The following NOSTRIN variants were observed in gnomAD, a reference collection of about 807,000 sequenced individuals.
NOSTRIN encodes BM247 homolog.
NOSTRIN carries 63 observed loss-of-function variants against 59.0 expected under a neutral mutation model. The ratio of observed to expected loss-of-function variants is 1.07; its 90% CI spans 0.87 to 1.32. NOSTRIN has a LOEUF of 1.32. NOSTRIN is among the 40% of genes most tolerant of loss of function. The pLI, the probability that NOSTRIN is intolerant of heterozygous loss-of-function variation, is 0.00. For synonymous variants in NOSTRIN, 200 were observed against 165.4 expected (o/e 1.21, Z -1.61); for missense variants, 512 against 473.1 (o/e 1.08, Z -0.76).
intron 12 of NOSTRIN, among the ~76,000 whole-genome samples, chr2:168,857,677 T>C (rs1392517310): frequency 1.3e-5 from 2 of 152,236 alleles, no homozygotes; most frequent in East Asian, 3.8e-4. Flanking sequence ...TCTGCTGTGA[T>C]TAGAGATCAT....
chr2:168,863,960 C>T (rs1338393274), intron 15 of NOSTRIN, among the ~76,000 whole-genome samples: 2 of 151,658 alleles, frequency 1.3e-5, no homozygotes, highest in Non-Finnish European at 2.9e-5. Context: ...ACCCAGGCTG[C>T]AGTACAGTGG....
intron 2 of NOSTRIN, among the ~76,000 whole-genome samples, chr2:168,822,265 G>A (rs934621248): frequency 1.9e-4 from 29 of 152,246 alleles, no homozygotes; most frequent in African/African-American, 7.0e-4. Context: ...GTTGTTTTCT[G>A]CAGCTAGGCC....
chr2:168,790,472 G>A (rs1253413677), intron 2 of NOSTRIN, among the ~76,000 whole-genome samples: 1 of 152,290 alleles, frequency 6.6e-6, no homozygotes, highest in Non-Finnish European at 1.5e-5. Flanking sequence ...AATGAGTCAC[G>A]TGAATGAATG....
chr2:168,827,945 ATAAC>A (rs1210310368), intron 3 of NOSTRIN, among the ~76,000 whole-genome samples: 1 of 151,974 alleles, frequency 6.6e-6, no homozygotes, highest in African/African-American at 2.4e-5. Flanking sequence ...TAAATGAAAA[ATAAC>A]TGGGAAAAAA....
upstream of NOSTRIN, among the ~76,000 whole-genome samples, chr2:168,796,783 C>T (rs979319561): frequency 6.6e-6 from 1 of 152,100 alleles, no homozygotes; most frequent in Non-Finnish European, 1.5e-5. Flanking sequence ...AGCCATTTCC[C>T]ATTTTAGAGT....
intron 7 of NOSTRIN, among the ~76,000 whole-genome samples, chr2:168,840,529 CAAAAAAAAAAAAA>C (rs59235003): frequency 1.0e-5 from 1 of 99,324 alleles, no homozygotes; most frequent in Non-Finnish European, 2.0e-5. Context: ...GACTCCATCT[CAAAAAAAAAAAAA>C]AAAAAAAAAC....
chr2:168,853,341 G>A lies in NOSTRIN; in HGVS notation c.855+1937G>A, dbSNP rs189120220. On this transcript the variant is annotated intron_variant, in intron 10 of 15. Coordinates refer to ENST00000317647, the MANE Select transcript of NOSTRIN (RefSeq NM_001039724.4). ...CCAGGGACAACAAAGAGACCAATCT[G>A]AGTGCAAAACTTGGAGGGCTTGGTG... Among the ~76,000 whole-genome samples the A allele has an allele frequency of 3.7e-4, 56 of 152,336 alleles. No homozygotes were observed. In the East Asian group the frequency reaches 9.6e-3, roughly 26 times the overall value.
At chr2:168,820,639 T>C (rs1450713447) in intron 2 of NOSTRIN, among the ~76,000 whole-genome samples, 1 of 151,374 alleles carries the variant, frequency 6.6e-6, no homozygotes, top group African/African-American at 2.4e-5. Flanking sequence ...TGTGTGGTAG[T>C]TGAACCTCTT....
chr2:168,807,839 T>G (rs554557964), intron 1 of NOSTRIN, among the ~76,000 whole-genome samples: 2 of 152,334 alleles, frequency 1.3e-5, no homozygotes, highest in East Asian at 3.9e-4. Flanking sequence ...GGACAAAAGT[T>G]AGAAAGTACT....
At chr2:168,792,621 T>C (rs1406641412) in intron 2 of NOSTRIN, among the ~76,000 whole-genome samples, 1 of 151,878 alleles carries the variant, frequency 6.6e-6, no homozygotes, top group Non-Finnish European at 1.5e-5. Flanking sequence ...AGCTAATTTT[T>C]TGTTTGTTTG....
At chr2:168,788,240 CAAAAA>C (rs5836201) in intron 2 of NOSTRIN, among the ~76,000 whole-genome samples, 3 of 126,874 alleles carry the variant, frequency 2.4e-5, no homozygotes, top group Admixed American at 7.7e-5. Context: ...GATCCTACCT[CAAAAA>C]AAAAAAAAAA....
intron 11 of NOSTRIN, chr2:168,855,825 G>T (rs1689067339): frequency 2.3e-6 from 1 of 440,280 alleles, no homozygotes; most frequent in Admixed American, 2.7e-5. Flanking sequence ...GAGTTTTTTG[G>T]TTTGTTTCTT....
chr2:168,825,945 G>A (rs1344371610), intron 3 of NOSTRIN, among the ~76,000 whole-genome samples: 1 of 152,164 alleles, frequency 6.6e-6, no homozygotes, highest in East Asian at 1.9e-4. Flanking sequence ...CAGTATTTTA[G>A]TAGACTACAG....
intron 15 of NOSTRIN, among the ~76,000 whole-genome samples, chr2:168,862,398 C>T (rs1574345988): frequency 1.3e-5 from 2 of 150,706 alleles, no homozygotes; most frequent in South Asian, 2.2e-4. Flanking sequence ...AAGATTTGAA[C>T]TTGGAAACAC....
intron 6 of NOSTRIN, 96 bp downstream of exon 6, chr2:168,831,630 C>T: frequency 2.8e-6 from 2 of 724,442 alleles, no homozygotes; most frequent in East Asian, 2.5e-5. Flanking sequence ...AGCATTAGTA[C>T]TTCTAAGTGC....
intron 1 of NOSTRIN, among the ~76,000 whole-genome samples, chr2:168,807,971 G>A (rs1380688801): frequency 1.3e-5 from 2 of 152,174 alleles, no homozygotes; most frequent in Non-Finnish European, 2.9e-5. Flanking sequence ...GAATGTGAAT[G>A]CCTTTGCCAC....
At chr2:168,858,803 G>A (rs1013665003) in intron 12 of NOSTRIN, among the ~76,000 whole-genome samples, 2 of 152,182 alleles carry the variant, frequency 1.3e-5, no homozygotes, top group Non-Finnish European at 2.9e-5. Flanking sequence ...GGGAGAGAGG[G>A]ATAATGGTGA....
At position 168,856,757 on chromosome 2, in the gene NOSTRIN, C is replaced by G. The variant is rs200081205; in HGVS notation, c.1032C>G (p.Asp344Glu). The change falls in exon 12 of 16, where the codon GAC becomes GAG. Residue 344 changes from aspartate to glutamate, a missense_variant. By Grantham distance (45) the Asp-to-Glu change is conservative. Coordinates refer to ENST00000317647, the MANE Select transcript of NOSTRIN (RefSeq NM_001039724.4). ...SSFSDAKSQKDTAALMDENNL... is the reference protein window; with the variant it reads ...SSFSDAKSQKETAALMDENNL... ...TCTCTGATGCAAAGAGCCAGAAAGA[C>G]ACAGCAGCGTTAATGGATGAGGTAA... 8.5e-5 allele frequency: 137 copies of G among 1,614,000 alleles called. No individual in the cohort carries two copies. The Middle Eastern group carries it at 1.5e-3, about 17-fold the overall frequency.
intron 7 of NOSTRIN, among the ~76,000 whole-genome samples, chr2:168,840,678 A>G (rs1236988831): frequency 6.6e-6 from 1 of 152,106 alleles, no homozygotes; most frequent in Non-Finnish European, 1.5e-5. Flanking sequence ...AATGTTTTTC[A>G]TGATTGTAAG....
Sources: allele counts gnomAD v4.1 joint callset (sites outside exome capture counted in the v4.1 genomes callset), GRCh38; gene constraint gnomAD v4.1.1; transcripts MANE v1.5; gene names NCBI Gene and HGNC (gene_info 2026-07-23, HGNC 2026-07-21).